STOX1: variants seen among roughly 807,000 people sequenced by gnomAD.
STOX1 encodes storkhead-box protein 1.
A neutral mutation model predicts 74.8 loss-of-function variants in STOX1; 57 were observed. The ratio of observed to expected loss-of-function variants is 0.76; its 90% CI spans 0.62 to 0.95. The LOEUF (loss-of-function observed/expected upper bound fraction) is 0.95. Ranked by LOEUF, STOX1 falls within the 40% of genes least tolerant of loss-of-function variation. The pLI is 0.00. For synonymous variants in STOX1, 375 were observed against 401.3 expected (o/e 0.93, Z 0.78); for missense variants, 1,010 against 1,117.0 (o/e 0.90, Z 1.37).
rs555343536 is a variant in STOX1, at chr10:68,864,114, C to T, written c.311-17844C>T. ...AATTTTTTTGTATTTTTAGTAGAGG[C>T]GGGGTTTCACCTTGTTAGCCAGGAT... is the stretch of plus-strand genomic sequence containing the variant. On this transcript the variant is annotated intron_variant, in intron 1 of 3. Transcript: ENST00000298596. 1.3e-4 allele frequency among the ~76,000 whole-genome samples: 19 copies of T among 151,942 alleles called. No homozygotes were observed. The South Asian group carries it at 3.1e-3, about 25-fold the overall frequency.
chr10:68,866,335 T>G (rs1840404016), intron 1 of STOX1, among the ~76,000 whole-genome samples: 1 of 152,190 alleles, frequency 6.6e-6, no homozygotes. Flanking sequence ...AGAGAAATGA[T>G]TGAAATGTCT....
Position 68,892,632 on chromosome 10 carries a change from C to G in STOX1, c.2866C>G (p.Leu956Val). The G allele has an allele frequency of 6.2e-7, 1 of 1,613,560 alleles. No individual in the cohort carries two copies. The highest frequency in any genetic ancestry group is 8.5e-7 in the Non-Finnish European group (1 of 1,179,612). Reference sequence around the variant, plus strand: ...TAATAATTCAGTCATTTTGGATGGACTAAAAAGAAGACAGAATTTTCTGCA... The same window carrying G: ...TAATAATTCAGTCATTTTGGATGGAGTAAAAAGAAGACAGAATTTTCTGCA... ...GSNNSVILDG[L>V]KRRQNFLQNV... The change falls in exon 4 of 4, where the codon CTA (leucine) becomes GTA (valine). Residue 956 changes from leucine to valine, a missense_variant. Coordinates refer to ENST00000298596, the MANE Select transcript of STOX1 (RefSeq NM_152709.5).
chr10:68,881,201 G>T (rs1840806332), intron 1 of STOX1, among the ~76,000 whole-genome samples: 1 of 152,164 alleles, frequency 6.6e-6, no homozygotes, highest in African/African-American at 2.4e-5. Context: ...TACTCAACCT[G>T]AGTAATGGCA....
At chr10:68,874,384 C>T (rs1840625680) in intron 1 of STOX1, among the ~76,000 whole-genome samples, 1 of 152,148 alleles carries the variant, frequency 6.6e-6, no homozygotes, top group Non-Finnish European at 1.5e-5. Context: ...GAGCCAGTTA[C>T]TGACCCCAGA....
chr10:68,860,349 A>G (rs1036335558), intron 1 of STOX1, among the ~76,000 whole-genome samples: 6 of 151,684 alleles, frequency 4.0e-5, no homozygotes, highest in Non-Finnish European at 7.4e-5. Context: ...AGGCAGGTGG[A>G]TCACCTGAGG....
intron 1 of STOX1, among the ~76,000 whole-genome samples, chr10:68,867,619 G>C (rs945933560): frequency 1.3e-5 from 2 of 152,178 alleles, no homozygotes; most frequent in Admixed American, 6.5e-5. Context: ...CTCTTTAAGT[G>C]GTTGACAGAT....
At chr10:68,893,608 G>A (rs1409450598), downstream of STOX1, among the ~76,000 whole-genome samples, 2 of 152,062 alleles carry the variant, frequency 1.3e-5, no homozygotes, top group African/African-American at 2.4e-5. Context: ...TAGTAGAGAC[G>A]GGGTTTCACC....
At chr10:68,880,927 C>T (rs186084014) in intron 1 of STOX1, among the ~76,000 whole-genome samples, 83 of 152,250 alleles carry the variant, frequency 5.5e-4, no homozygotes, top group African/African-American at 1.9e-3. Flanking sequence ...CTCCTGACCT[C>T]GGGTGATCCG....
chr10:68,828,212 G>A (rs1409573257), intron 1 of STOX1: 5 of 939,772 alleles, frequency 5.3e-6, no homozygotes, highest in Non-Finnish European at 5.4e-6. Flanking sequence ...GGTGCTGCGC[G>A]ATGCCTGGCG....
intron 1 of STOX1, among the ~76,000 whole-genome samples, chr10:68,853,321 G>A (rs1296270070): frequency 1.3e-5 from 2 of 152,142 alleles, no homozygotes; most frequent in African/African-American, 4.8e-5. Context: ...CAGAACTCGC[G>A]AGGGCAGGAT....
rs761273396 is a variant in STOX1, at chr10:68,892,741, C to G, written c.*5C>G. ...ACTCCAGTCATAAACGTTTAATTTT[C>G]TTTTGGAAACCTACTTTTTTCTTTA... On this transcript the variant is annotated 3_prime_UTR_variant, in exon 4 of 4. Transcript: ENST00000298596. 10 of 1,613,178 alleles carry G rather than the reference C, an allele frequency of 6.2e-6. No homozygotes were observed. The highest frequency in any genetic ancestry group is 1.6e-4 in the Middle Eastern group (1 of 6,078).
chr10:68,886,645 T>C (rs1172545583), intron 3 of STOX1, 27 bp downstream of exon 3: 1 of 1,608,542 alleles, frequency 6.2e-7, no homozygotes, highest in South Asian at 1.1e-5. Flanking sequence ...GTGTCTGATT[T>C]AGGCCGGGCG....
intron 1 of STOX1, among the ~76,000 whole-genome samples, chr10:68,843,805 C>T (rs186209772): frequency 0.013 from 1,950 of 152,224 alleles, 17 homozygotes; most frequent in Non-Finnish European, 0.018. Flanking sequence ...GATGATCCAA[C>T]CACCTCAGCA....
intron 1 of STOX1, among the ~76,000 whole-genome samples, chr10:68,850,453 T>G (rs1163179): frequency 0.1 from 15,895 of 152,280 alleles, 973 homozygotes; most frequent in African/African-American, 0.16. Flanking sequence ...GTAGAGCTCA[T>G]TGGTTACTTG....
At chr10:68,830,103 T>C (rs1839367027) in intron 1 of STOX1, among the ~76,000 whole-genome samples, 1 of 152,062 alleles carries the variant, frequency 6.6e-6, no homozygotes, top group South Asian at 2.1e-4. Flanking sequence ...CAGTGGTAAA[T>C]GCTGGTGTCT....
chr10:68,845,024 G>T (rs753219049), intron 1 of STOX1, among the ~76,000 whole-genome samples: 60 of 151,944 alleles, frequency 3.9e-4, no homozygotes, highest in Non-Finnish European at 7.1e-4. Context: ...CGGCCTCCCA[G>T]AGTGCTGGGA....
At position 68,892,593 on chromosome 10, in the gene STOX1, CAG is replaced by C. The variant is rs1234507844; in HGVS notation, c.2830_2831del (p.Leu945GlyfsTer3). 1 of 1,613,340 alleles carries C rather than the reference CAG, an allele frequency of 6.2e-7. No homozygotes were observed. The highest frequency in any genetic ancestry group is 1.3e-5 in the African/African-American group (1 of 75,012). On this transcript the variant is annotated frameshift_variant, in exon 4 of 4. Coordinates refer to ENST00000298596, the MANE Select transcript of STOX1 (RefSeq NM_152709.5). LOFTEE classifies it high-confidence loss of function. ...GDSGIDSPRTQSLGSNNSVIL... is the reference protein window; with the variant it reads ...GDSGIDSPRTXSLGSNNSVIL... ...TGTTATTTTTAATATCTTTAGGACA[CAG>C]AGTCTGGGATCTAATAATTCAGTCA...
intron 2 of STOX1, among the ~76,000 whole-genome samples, chr10:68,883,119 T>C (rs1840850131): frequency 6.6e-6 from 1 of 151,972 alleles, no homozygotes; most frequent in East Asian, 2.0e-4. Context: ...GGCTCACGCC[T>C]GTAATCCCAG....
At chr10:68,854,561 G>C (rs969717993) in intron 1 of STOX1, among the ~76,000 whole-genome samples, 10 of 152,056 alleles carry the variant, frequency 6.6e-5, no homozygotes, top group African/African-American at 2.4e-4. Context: ...GCCTCTTAAA[G>C]TGCTGGGGTT....
Sources: gnomAD v4.1 joint callset for allele counts (sites outside exome capture counted in the v4.1 genomes callset) on GRCh38, gnomAD v4.1.1 for gene constraint, MANE v1.5 for transcripts, NCBI Gene and HGNC (gene_info 2026-07-23, HGNC 2026-07-21) for gene names.